PRDM2: variants seen among roughly 807,000 people sequenced by gnomAD.
PRDM2 encodes the protein PR domain zinc finger protein 2.
Under a neutral mutation model 130.0 loss-of-function variants are expected in PRDM2, and 30 were observed. The observed-to-expected ratio is 0.23, with a 90% CI of 0.17 to 0.31. The LOEUF (loss-of-function observed/expected upper bound fraction) is 0.31, where lower values mean the gene tolerates loss of function less well. Ranked by LOEUF, PRDM2 falls within the 10% of genes least tolerant of loss-of-function variation. The probability of loss-of-function intolerance (pLI) is 1.00; values close to 1 mark genes in which losing one functional copy is unlikely to be tolerated. For missense variants in PRDM2, 2,011 were observed against 2,108.4 expected, an observed-to-expected ratio of 0.95 and a Z score of 0.90; for synonymous variants, 871 against 782.4, an observed-to-expected ratio of 1.11 and a Z score of -1.89.
At chr1:13,804,430 A>G (rs906676835) in intron 8 of PRDM2, among the ~76,000 whole-genome samples, 4 of 152,174 alleles carry the variant, frequency 2.6e-5, no homozygotes, top group Non-Finnish European at 4.4e-5. Flanking sequence ...TGGCCACTGC[A>G]GCCTAGCATG....
chr1:13,734,902 T>G (rs191261245), intron 4 of PRDM2, among the ~76,000 whole-genome samples: 6 of 152,354 alleles, frequency 3.9e-5, no homozygotes, highest in African/African-American at 1.4e-4. Flanking sequence ...AATTATAATG[T>G]AAATATTTCT....
At chr1:13,731,534 G>T (rs1018784235) in intron 3 of PRDM2, among the ~76,000 whole-genome samples, 1 of 152,150 alleles carries the variant, frequency 6.6e-6, no homozygotes, top group African/African-American at 2.4e-5. Flanking sequence ...GCTTGTGAGT[G>T]CCTTTATTTC....
rs74058213 is a variant in PRDM2, at chr1:13,822,066, C to T, written c.*24-1093C>T. Among the ~76,000 whole-genome samples, 1,187 of 152,294 alleles carry T rather than the reference C, an allele frequency of 7.8e-3. 13 individuals are homozygous for T. The highest frequency in any genetic ancestry group is 0.028 in the African/African-American group (1,157 of 41,554). On this transcript the variant is annotated intron_variant, in intron 9 of 9. Coordinates refer to ENST00000311066, the MANE Select transcript of PRDM2 (RefSeq NM_001393986.1). ...ATCCAAAGGAAATTAAGCAGGAGTA[C>T]AATCACTTTGGAAAACTGTTTGGCA...
chr1:13,774,484 C>A (rs1569974743), intron 7 of PRDM2, among the ~76,000 whole-genome samples: 1 of 152,212 alleles, frequency 6.6e-6, no homozygotes, highest in Non-Finnish European at 1.5e-5. Context: ...TAGTCAAGTT[C>A]ATTTCCCAGA....
Position 13,779,161 on chromosome 1 carries a change from C to G in PRDM2, c.1366C>G (p.Leu456Val), listed in dbSNP as rs774976502. ...TCCTCCCAGTCTTGGGCCAGACTGT[C>G]TGATCATGAATTCAGAGAAGGCTTC... ...SSPPSLGPDC[L>V]IMNSEKASQD... Residue 456 changes from leucine to valine, a missense_variant, in exon 8 of 10, where the codon CTG becomes GTG. This residue lies in a region of PRDM2 where 1,288 missense variants were observed against 1,237.7 expected (regional missense o/e 1.04). Transcript: ENST00000311066. This position sits in a 1 kb window ranked among gnomAD's most constrained non-coding sequence, Gnocchi z 4.9. The G allele has an allele frequency of 4.5e-5, 73 of 1,614,054 alleles. No homozygotes were observed. Among genetic ancestry groups the G allele is most frequent in the Non-Finnish European group, 5.9e-5 (70 of 1,180,048 alleles).
rs1035377479 is a variant in PRDM2 at position 13,778,823 on chromosome 1, T to G, written c.1028T>G (p.Ile343Ser). 6.2e-7 allele frequency: 1 copy of G among 1,614,062 alleles called. No homozygotes were observed. The highest frequency in any genetic ancestry group is 1.3e-5 in the African/African-American group (1 of 74,998). Reference protein sequence around the residue: ...DCSEVTPAMQIPRTKEEANGD... With the variant: ...DCSEVTPAMQSPRTKEEANGD... Reference sequence around the variant, plus strand: ...TCAGAGGTAACACCTGCCATGCAAATCCCCAGAACTAAAGAAGAGGCCAAT... The same window carrying G: ...TCAGAGGTAACACCTGCCATGCAAAGCCCCAGAACTAAAGAAGAGGCCAAT... Residue 343 changes from isoleucine to serine, a missense_variant, in exon 8 of 10, where the codon ATC (isoleucine) becomes AGC (serine). This residue lies in a region of PRDM2 where 1,288 missense variants were observed against 1,237.7 expected (regional missense o/e 1.04). Coordinates refer to ENST00000311066, the MANE Select transcript of PRDM2 (RefSeq NM_001393986.1).
rs781055912 is a variant in PRDM2, at chr1:13,732,770, A to G, written c.128-9A>G. The G allele has an allele frequency of 3.9e-6, 6 of 1,546,854 alleles. No homozygotes were observed. The Admixed American group carries it at 9.7e-5, about 25-fold the overall frequency. On this transcript the variant is annotated splice_polypyrimidine_tract_variant and intron_variant, in intron 3 of 9. Coordinates refer to ENST00000311066, the MANE Select transcript of PRDM2 (RefSeq NM_001393986.1). ...GATACATTATAAAAATACTGATTTT[A>G]TTTTCTAGGTGTCTGGGCCACTAAA...
intron 6 of PRDM2, among the ~76,000 whole-genome samples, chr1:13,758,270 C>A (rs1388767687): frequency 6.6e-6 from 1 of 151,722 alleles, no homozygotes; most frequent in Non-Finnish European, 1.5e-5. Context: ...ATGGTAAAAC[C>A]CCGTCTCTAC....
chr1:13,721,570 T>C (rs1162012708), intron 2 of PRDM2, among the ~76,000 whole-genome samples: 2 of 152,174 alleles, frequency 1.3e-5, no homozygotes, highest in African/African-American at 4.8e-5. Context: ...CCTTGAAATC[T>C]CATTTTGAAT....
At chr1:13,815,584 T>A (rs1304665830) in intron 8 of PRDM2, among the ~76,000 whole-genome samples, 1 of 152,012 alleles carries the variant, frequency 6.6e-6, no homozygotes, top group Non-Finnish European at 1.5e-5. Flanking sequence ...ACCCAGGAGT[T>A]AAAGAAGGAA....
chr1:13,770,805 A>G (rs1644343233), intron 6 of PRDM2, among the ~76,000 whole-genome samples: 1 of 152,210 alleles, frequency 6.6e-6, no homozygotes, highest in South Asian at 2.1e-4. Flanking sequence ...TCTGAATATG[A>G]TTTTTGAATC....
At chr1:13,790,820 C>T (rs552113086) in intron 8 of PRDM2, among the ~76,000 whole-genome samples, 2 of 152,254 alleles carry the variant, frequency 1.3e-5, no homozygotes, top group East Asian at 3.9e-4. Context: ...AGGGTCATGT[C>T]ACTTCCTCCC....
chr1:13,766,238 C>T (rs1644224330), intron 6 of PRDM2, among the ~76,000 whole-genome samples: 1 of 152,118 alleles, frequency 6.6e-6, no homozygotes, highest in South Asian at 2.1e-4. Flanking sequence ...AGTGTGAAAG[C>T]ATGGTTCCAG....
chr1:13,752,942 T>C (rs200764312), intron 6 of PRDM2, among the ~76,000 whole-genome samples: 1 of 152,226 alleles, frequency 6.6e-6, no homozygotes, highest in Non-Finnish European at 1.5e-5. Context: ...TCTGTGAAGC[T>C]GTGGGCTCTT....
intron 1 of PRDM2, among the ~76,000 whole-genome samples, chr1:13,707,062 A>C (rs985435006): frequency 6.6e-6 from 1 of 152,136 alleles, no homozygotes; most frequent in Non-Finnish European, 1.5e-5. Flanking sequence ...AAAAGAGTTT[A>C]AGTTGTCATT....
Position 13,779,647 on chromosome 1 carries a change from G to T in PRDM2, c.1852G>T (p.Val618Phe). 1 of 1,613,980 alleles carries T rather than the reference G, an allele frequency of 6.2e-7. No individual in the cohort carries two copies. Among genetic ancestry groups the T allele is most frequent in the Non-Finnish European group, 8.5e-7 (1 of 1,179,972 alleles). Residue 618 changes from valine to phenylalanine, a missense_variant, in exon 8 of 10, where the codon GTC becomes TTC. Val to Phe is a conservative substitution (Grantham distance 50). Transcript: ENST00000311066. The surrounding 1 kb of genome is among the most constrained non-coding windows in gnomAD (Gnocchi z 4.9). ...TACTCAAAATATAAAGACCACACAGGTCCCTGTAACAGAAGATCTTCCTAA... is the reference window on the plus strand; with the variant it reads ...TACTCAAAATATAAAGACCACACAGTTCCCTGTAACAGAAGATCTTCCTAA... ...EITQNIKTTQ[V>F]PVTEDLPKEP...
rs1644607773 is a variant in PRDM2 at position 13,781,309 on chromosome 1, A to G, written c.3514A>G (p.Lys1172Glu). 6.2e-7 allele frequency: 1 copy of G among 1,614,108 alleles called. No individual in the cohort carries two copies. Among genetic ancestry groups the G allele is most frequent in the Non-Finnish European group, 8.5e-7 (1 of 1,180,032 alleles). ...ATGTGAATTTTGTGTGCAGCTTTTTAAGGATAAAACGGACTTGTCAGAACA... is the reference window on the plus strand; with the variant it reads ...ATGTGAATTTTGTGTGCAGCTTTTTGAGGATAAAACGGACTTGTCAGAACA... ...FKCEFCVQLFKDKTDLSEHRF... is the reference protein window; with the variant it reads ...FKCEFCVQLFEDKTDLSEHRF... The change falls in exon 8 of 10, where the codon AAG (lysine) becomes GAG (glutamate). Residue 1172 changes from lysine (K) to glutamate (E), a missense_variant. Transcript: ENST00000311066. The surrounding 1 kb of genome is among the most constrained non-coding windows in gnomAD (Gnocchi z 6.1).
At chr1:13,752,757 A>T (rs149563585) in intron 6 of PRDM2, among the ~76,000 whole-genome samples, 86 of 152,302 alleles carry the variant, frequency 5.6e-4, no homozygotes, top group African/African-American at 2.0e-3. Flanking sequence ...TAGTGGAAGG[A>T]ATGAAAAAGA....
At chr1:13,758,482 C>T (rs545977815) in intron 6 of PRDM2, among the ~76,000 whole-genome samples, 18 of 151,928 alleles carry the variant, frequency 1.2e-4, no homozygotes, top group African/African-American at 3.4e-4. Flanking sequence ...AGTTAACACC[C>T]GCCCCAACCA....
Sources: allele counts gnomAD v4.1 joint callset (sites outside exome capture counted in the v4.1 genomes callset), GRCh38; gene constraint gnomAD v4.1.1; regional missense constraint gnomAD v4.1.1; non-coding constraint Gnocchi (gnomAD v3.1); transcripts MANE v1.5; gene names NCBI Gene and HGNC (gene_info 2026-07-23, HGNC 2026-07-21).